PPP1R14D: variants seen among roughly 807,000 people sequenced by gnomAD.
PPP1R14D encodes protein phosphatase 1 regulatory subunit 14D.
In PPP1R14D, 14 loss-of-function variants were observed where a neutral mutation model predicts 17.1. The ratio of observed to expected loss-of-function variants is 0.82; its 90% CI spans 0.54 to 1.28. PPP1R14D has a LOEUF of 1.28. Among genes scored for constraint, PPP1R14D ranks in the 50% most tolerant of loss-of-function variants. The pLI, the probability that PPP1R14D is intolerant of heterozygous loss-of-function variation, is 0.00. For missense variants in PPP1R14D, 173 were observed against 179.2 expected, an observed-to-expected ratio of 0.97 and a Z score of 0.20; for synonymous variants, 67 against 66.1, an observed-to-expected ratio of 1.01 and a Z score of -0.06.
rs1305475421 is a variant in PPP1R14D at position 40,828,658 on chromosome 15, G to A, written c.-17C>T. ...AGACAGCATGGAAGTATTGGTCTGG[G>A]CAAGGAGCTGGGAAAAACCGCCAGT... On this transcript the variant is annotated 5_prime_UTR_variant, in exon 1 of 4. Coordinates refer to ENST00000299174, the MANE Select transcript of PPP1R14D (RefSeq NM_017726.8). The A allele has an allele frequency of 6.3e-7, 1 of 1,587,772 alleles. No homozygotes were observed. Among genetic ancestry groups the A allele is most frequent in the Non-Finnish European group, 8.6e-7 (1 of 1,166,286 alleles).
chr15:40,819,645 G>C (rs1362643711), intron 1 of PPP1R14D, among the ~76,000 whole-genome samples: 1 of 151,926 alleles, frequency 6.6e-6, no homozygotes, highest in Non-Finnish European at 1.5e-5. Context: ...TGGGTCACTA[G>C]ACCACACTTC....
At chr15:40,816,722 AAAAAAT>A (rs1467902800) in intron 1 of PPP1R14D, among the ~76,000 whole-genome samples, 4 of 152,056 alleles carry the variant, frequency 2.6e-5, no homozygotes, top group Non-Finnish European at 5.9e-5. Context: ...TTCGTCGCAA[AAAAAAT>A]AAAAATAATA....
chr15:40,815,789 G>A (rs933376478), intron 3 of PPP1R14D, 28 bp from the exon 4 acceptor site: 1 of 1,581,408 alleles, frequency 6.3e-7, no homozygotes, highest in African/African-American at 1.3e-5. Context: ...GTGAGACCAG[G>A]CTTGGGGTCA....
At chr15:40,821,541 C>G (rs956048669) in intron 1 of PPP1R14D, among the ~76,000 whole-genome samples, 1 of 151,664 alleles carries the variant, frequency 6.6e-6, no homozygotes, top group Non-Finnish European at 1.5e-5. Flanking sequence ...TGGGGGAGGA[C>G]AGAATAGAAA....
intron 1 of PPP1R14D, among the ~76,000 whole-genome samples, chr15:40,825,012 G>A (rs983482277): frequency 3.9e-5 from 6 of 152,070 alleles, no homozygotes; most frequent in South Asian, 4.1e-4. Context: ...GGCCAGGCGC[G>A]GTGGCTCATT....
intron 1 of PPP1R14D, among the ~76,000 whole-genome samples, chr15:40,825,137 T>G (rs1890848569): frequency 1.3e-5 from 2 of 151,648 alleles, no homozygotes; most frequent in African/African-American, 4.9e-5. Flanking sequence ...TACAAAAAAT[T>G]AGCCAGGTGT....
At chr15:40,818,773 G>A (rs76780377) in intron 1 of PPP1R14D, among the ~76,000 whole-genome samples, 11,212 of 152,184 alleles carry the variant, frequency 0.074, 1,005 homozygotes, top group African/African-American at 0.22. Context: ...ACACTATAAC[G>A]GTGGATACAT....
Position 40,816,172 on chromosome 15 carries a change from C to T in PPP1R14D, c.337G>A (p.Glu113Lys). Residue 113 changes from glutamate to lysine, a missense_variant and splice_region_variant, in exon 2 of 4, where the codon GAG becomes AAG. Transcript: ENST00000299174. ...CCAGCTTCTAGCCCCCATCCTACCT[C>T]CAGCTGAGTCTTCTGCTCCTCTGTG... ...LSTEEQKTQL[E>K]AILGNCPRPT... is the part of the protein sequence containing the mutation. 6.2e-7 allele frequency: 1 copy of T among 1,614,060 alleles called. No homozygotes were observed.
intron 1 of PPP1R14D, among the ~76,000 whole-genome samples, chr15:40,822,845 T>C (rs1157833023): frequency 8.6e-5 from 13 of 151,974 alleles, no homozygotes; most frequent in Middle Eastern, 3.2e-3. Context: ...GGTCTCATTC[T>C]GTCACCCAGG....
chr15:40,828,475 C>T lies in PPP1R14D; in HGVS notation c.167G>A (p.Arg56His), dbSNP rs753516067. ...SKIPRSRRPS[R>H]LTVKYDRGQL... ...GCCCCGGTCATACTTCACTGTCAGG[C>T]GGCTGGGTCTCCGGGACCTGGGTAT... Residue 56 changes from arginine (R) to histidine (H), a missense_variant, in exon 1 of 4, where the codon CGC (arginine) becomes CAC (histidine). Arg to His is a conservative substitution (Grantham distance 29, BLOSUM62 0). Transcript: ENST00000299174. The T allele has an allele frequency of 9.3e-6, 15 of 1,614,176 alleles. No homozygotes were observed. Among genetic ancestry groups the T allele is most frequent in the Non-Finnish European group, 1.3e-5 (15 of 1,180,026 alleles).
intron 1 of PPP1R14D, among the ~76,000 whole-genome samples, chr15:40,819,868 T>A (rs1364094350): frequency 2.1e-5 from 1 of 48,760 alleles, no homozygotes; most frequent in African/African-American, 1.2e-4. Context: ...TATATTGCTA[T>A]TTTTTTTTTT....
Position 40,828,642 on chromosome 15 carries a change from G to T in PPP1R14D, c.-1C>A, listed in dbSNP as rs1596131989. On this transcript the variant is annotated 5_prime_UTR_variant, in exon 1 of 4. Transcript: ENST00000299174. Reference sequence around the variant, plus strand: ...AGGAAGCAGGGCTTGAAGACAGCATGGAAGTATTGGTCTGGGCAAGGAGCT... The same window carrying T: ...AGGAAGCAGGGCTTGAAGACAGCATTGAAGTATTGGTCTGGGCAAGGAGCT... 1.2e-6 allele frequency: 2 copies of T among 1,606,506 alleles called. No homozygotes were observed. The highest frequency in any genetic ancestry group is 4.5e-5 in the East Asian group (2 of 44,842).
chr15:40,825,594 A>G (rs1220372170), intron 1 of PPP1R14D, among the ~76,000 whole-genome samples: 3 of 152,164 alleles, frequency 2.0e-5, no homozygotes, highest in South Asian at 2.1e-4. Context: ...ATGCTTTCCC[A>G]CTGCTGCTGT....
intron 1 of PPP1R14D, among the ~76,000 whole-genome samples, chr15:40,825,681 C>G (rs1321870024): frequency 3.9e-5 from 6 of 152,226 alleles, no homozygotes; most frequent in Admixed American, 3.9e-4. Flanking sequence ...CAGAGTAAGG[C>G]TGGAGACTGT....
chr15:40,826,226 G>C (rs1036554162), intron 1 of PPP1R14D, among the ~76,000 whole-genome samples: 1 of 152,088 alleles, frequency 6.6e-6, no homozygotes, highest in Admixed American at 6.5e-5. Flanking sequence ...ACTGACACAT[G>C]ACCCAGTTAG....
chr15:40,817,452 A>G (rs766305474), intron 1 of PPP1R14D: 2 of 152,668 alleles, frequency 1.3e-5, no homozygotes, highest in Non-Finnish European at 2.9e-5. Flanking sequence ...AATAAGATAT[A>G]TAGATGAAAA....
chr15:40,827,624 G>A (rs976999793), intron 1 of PPP1R14D, among the ~76,000 whole-genome samples: 1 of 152,016 alleles, frequency 6.6e-6, no homozygotes. Context: ...TACAGAATTG[G>A]AAAATGTAGC....
chr15:40,820,315 T>C (rs971985337), intron 1 of PPP1R14D, among the ~76,000 whole-genome samples: 2 of 150,602 alleles, frequency 1.3e-5, no homozygotes, highest in South Asian at 4.2e-4. Context: ...CTTGCCACCA[T>C]GCCTGGCTAG....
At chr15:40,823,152 C>A (rs543492392) in intron 1 of PPP1R14D, among the ~76,000 whole-genome samples, 2 of 151,742 alleles carry the variant, frequency 1.3e-5, no homozygotes, top group South Asian at 2.1e-4. Flanking sequence ...TTAGTAGAGA[C>A]GGGATTTCAC....
Sources: gnomAD v4.1 joint callset for allele counts (sites outside exome capture counted in the v4.1 genomes callset) on GRCh38, gnomAD v4.1.1 for gene constraint, MANE v1.5 for transcripts, NCBI Gene and HGNC (gene_info 2026-07-23, HGNC 2026-07-21) for gene names.